The following DPP6 variants were observed in gnomAD, a reference collection of about 807,000 sequenced individuals.
DPP6 encodes A-type potassium channel modulatory protein DPP6.
DPP6 carries 69 observed loss-of-function variants against 122.6 expected under a neutral mutation model. That is an observed-to-expected ratio of 0.56 (90% CI 0.46 to 0.69). DPP6 has a LOEUF of 0.69. Ranked by LOEUF, DPP6 falls within the 30% of genes least tolerant of loss-of-function variation. The probability of loss-of-function intolerance (pLI) is 0.00; values close to 1 mark genes in which losing one functional copy is unlikely to be tolerated. For missense variants in DPP6, 928 were observed against 1,116.9 expected (o/e 0.83, Z 2.41); for synonymous variants, 418 against 433.1 (o/e 0.97, Z 0.43).
the DPP6 span, among the ~76,000 whole-genome samples, chr7:153,856,019 C>T: frequency 6.6e-6 from 1 of 152,188 alleles, no homozygotes; most frequent in African/African-American, 2.4e-5. Flanking sequence ...AAGTCAAAGG[C>T]TTTCTGTACT....
At chr7:153,954,070 A>G (rs1010165499) in intron 1 of DPP6, among the ~76,000 whole-genome samples, 1 of 152,198 alleles carries the variant, frequency 6.6e-6, no homozygotes, top group African/African-American at 2.4e-5. Context: ...AGCTAATTAC[A>G]GATCTCCATC....
At chr7:154,272,971 C>T (rs1803891284) in intron 1 of DPP6, among the ~76,000 whole-genome samples, 1 of 152,194 alleles carries the variant, frequency 6.6e-6, no homozygotes, top group South Asian at 2.1e-4. Context: ...CAGTGGGATT[C>T]ACACATTATC....
At chr7:154,737,613 G>A (rs768921328) in intron 8 of DPP6, among the ~76,000 whole-genome samples, 6 of 152,138 alleles carry the variant, frequency 3.9e-5, no homozygotes, top group Non-Finnish European at 7.3e-5. Flanking sequence ...CTATTAAGTG[G>A]CCTTTCTGTG....
intron 16 of DPP6, among the ~76,000 whole-genome samples, chr7:154,830,065 T>G (rs1351438230): frequency 2.0e-5 from 3 of 152,238 alleles, no homozygotes; most frequent in African/African-American, 7.2e-5. Context: ...TTTAAAATTC[T>G]CTGGTTCACA....
chr7:154,052,254 G>T (rs1301549663), upstream of DPP6, among the ~76,000 whole-genome samples: 2 of 151,930 alleles, frequency 1.3e-5, no homozygotes, highest in Non-Finnish European at 2.9e-5. The surrounding 1 kb of genome is among the most constrained non-coding windows in gnomAD (Gnocchi z 4.8). Context: ...GTGCGACCCC[G>T]TGCCCTCTCC....
intron 7 of DPP6, among the ~76,000 whole-genome samples, chr7:154,677,890 C>T (rs1185687205): frequency 2.0e-5 from 3 of 152,126 alleles, no homozygotes; most frequent in Non-Finnish European, 2.9e-5. Context: ...GAGGTGAAGC[C>T]GGCTGGGCTT....
the DPP6 span, among the ~76,000 whole-genome samples, chr7:153,775,352 C>T: frequency 1.4e-4 from 20 of 146,832 alleles, no homozygotes; most frequent in Admixed American, 2.7e-4. Flanking sequence ...AATATCCACT[C>T]GTGATAGACA....
chr7:153,859,721 A>T, the DPP6 span, among the ~76,000 whole-genome samples: 5 of 152,196 alleles, frequency 3.3e-5, no homozygotes, highest in African/African-American at 4.8e-5. Flanking sequence ...AAGAGGTTTA[A>T]TTGACTCACA....
Position 154,469,059 on chromosome 7 carries a change from G to A in DPP6, c.359-5880G>A, listed in dbSNP as rs566281269. Among the ~76,000 whole-genome samples the A allele has an allele frequency of 3.9e-5, 6 of 152,306 alleles. No homozygotes were observed. In the East Asian group the frequency reaches 1.2e-3, roughly 29 times the overall value. ...ACATCTGTTTGCTGGGCCCCTTAGA[G>A]ACATGAAGTTGCGATTCCTAACTAA... On this transcript the variant is annotated intron_variant, in intron 2 of 25. Coordinates refer to ENST00000377770, the MANE Select transcript of DPP6 (RefSeq NM_130797.4).
intron 17 of DPP6, among the ~76,000 whole-genome samples, chr7:154,857,658 G>A (rs368281225): frequency 1.8e-4 from 27 of 152,328 alleles, no homozygotes; most frequent in South Asian, 1.7e-3. Context: ...GAGAAGGCAG[G>A]TGCCTGGTGC....
At chr7:154,727,940 A>T in intron 8 of DPP6, 53 bp downstream of exon 8, 2 of 1,515,856 alleles carry the variant, frequency 1.3e-6, no homozygotes, top group South Asian at 2.7e-5. Flanking sequence ...TGCTGCTGCT[A>T]CATTGGAGTT....
intron 16 of DPP6, among the ~76,000 whole-genome samples, chr7:154,835,046 A>G (rs758018040): frequency 6.6e-6 from 1 of 152,212 alleles, no homozygotes; most frequent in African/African-American, 2.4e-5. Context: ...CTCTTCTGAC[A>G]TCACCTTAGA....
At chr7:153,908,370 A>T (rs894513609) in intron 1 of DPP6, among the ~76,000 whole-genome samples, 1 of 152,218 alleles carries the variant, frequency 6.6e-6, no homozygotes, top group Non-Finnish European at 1.5e-5. Flanking sequence ...TTCAGACCAC[A>T]GCTGGATAGG....
intron 1 of DPP6, among the ~76,000 whole-genome samples, chr7:154,350,501 C>T (rs1015685442): frequency 4.6e-5 from 7 of 152,218 alleles, no homozygotes; most frequent in African/African-American, 1.2e-4. Context: ...AAATGTCAAC[C>T]GAGTATCATG....
At chr7:154,212,774 CAG>C (rs745533881) in intron 1 of DPP6, among the ~76,000 whole-genome samples, 3 of 152,234 alleles carry the variant, frequency 2.0e-5, no homozygotes, top group East Asian at 1.9e-4. Flanking sequence ...GGAGAGAACA[CAG>C]AGTAATTGTT....
chr7:154,111,849 TA>T (rs1179692749), intron 1 of DPP6, among the ~76,000 whole-genome samples: 8 of 152,186 alleles, frequency 5.3e-5, no homozygotes, highest in African/African-American at 1.9e-4. Flanking sequence ...GTTCTATTAT[TA>T]GGGGTAATGT....
At chr7:154,723,457 A>C (rs947853963) in intron 7 of DPP6, among the ~76,000 whole-genome samples, 2 of 119,342 alleles carry the variant, frequency 1.7e-5, no homozygotes, top group African/African-American at 5.4e-5. Flanking sequence ...GGCTTACAAC[A>C]CATTTATTTT....
chr7:154,778,626 T>TCCACCACCACCACA (rs1007358109), intron 10 of DPP6, among the ~76,000 whole-genome samples: 1 of 140,504 alleles, frequency 7.1e-6, no homozygotes, highest in African/African-American at 2.7e-5. Context: ...CTATACAACC[T>TCCACCACCACCACA]CCACCACCAC....
At chr7:154,220,247 G>A (rs1246291744) in intron 1 of DPP6, among the ~76,000 whole-genome samples, 2 of 152,158 alleles carry the variant, frequency 1.3e-5, no homozygotes. Flanking sequence ...TCAGAGAGCT[G>A]CCTGGCCCTT....
Sources: allele counts gnomAD v4.1 joint callset (sites outside exome capture counted in the v4.1 genomes callset), GRCh38; gene constraint gnomAD v4.1.1; non-coding constraint Gnocchi (gnomAD v3.1); transcripts MANE v1.5; gene names NCBI Gene and HGNC (gene_info 2026-07-23, HGNC 2026-07-21).